The following SMIM10L3 variants were observed in gnomAD, a reference collection of about 807,000 sequenced individuals.
The protein encoded by SMIM10L3 is salivary gland specific protein SAGSIN1.
the SMIM10L3 span, chr7:6,338,766 C>T: frequency 6.6e-6 from 1 of 152,362 alleles, no homozygotes; most frequent in South Asian, 2.1e-4. Context: ...CTATTCCTGG[C>T]CTCCAGGGCA....
At chr7:6,348,292 C>G in the SMIM10L3 span, among the ~76,000 whole-genome samples, 1 of 151,872 alleles carries the variant, frequency 6.6e-6, no homozygotes, top group Non-Finnish European at 1.5e-5. Flanking sequence ...TAAAGGTCCT[C>G]TTCAACACCT....
chr7:6,329,706 T>A, the SMIM10L3 span: 1 of 166,138 alleles, frequency 6.0e-6, no homozygotes, highest in Admixed American at 6.6e-5. Flanking sequence ...TAACTCGATT[T>A]GCTTCTCTGT....
chr7:6,330,420 C>T, the SMIM10L3 span: 1 of 1,614,026 alleles, frequency 6.2e-7, no homozygotes, highest in South Asian at 1.1e-5. Flanking sequence ...GTTGCAGAGC[C>T]AGTAACCCCA....
At chr7:6,331,288 G>C in the SMIM10L3 span, 1 of 799,314 alleles carries the variant, frequency 1.3e-6, no homozygotes, top group Non-Finnish European at 2.0e-6. Flanking sequence ...TGGGTCTTAA[G>C]AGCATCTACA....
the SMIM10L3 span, chr7:6,338,544 A>T: frequency 1.3e-5 from 2 of 152,234 alleles, no homozygotes; most frequent in African/African-American, 4.8e-5. Flanking sequence ...CTCCCACCAA[A>T]GATGACAAAA....
chr7:6,348,378 C>G, the SMIM10L3 span, among the ~76,000 whole-genome samples: 1 of 152,212 alleles, frequency 6.6e-6, no homozygotes, highest in African/African-American at 2.4e-5. Context: ...TAACCTGACC[C>G]CCAGTGCCGC....
the SMIM10L3 span, chr7:6,330,096 G>C: frequency 2.6e-6 from 1 of 387,004 alleles, no homozygotes; most frequent in Non-Finnish European, 4.8e-6. Context: ...TGGTAAATCC[G>C]TATGTTCTAA....
the SMIM10L3 span, chr7:6,330,753 C>T: frequency 1.2e-6 from 2 of 1,614,134 alleles, no homozygotes; most frequent in African/African-American, 2.7e-5. Context: ...TGGCCCTGGG[C>T]CCTCCTCCCA....
At chr7:6,342,617 G>A in the SMIM10L3 span, among the ~76,000 whole-genome samples, 5 of 152,062 alleles carry the variant, frequency 3.3e-5, no homozygotes, top group African/African-American at 9.7e-5. Context: ...ATACACCCAA[G>A]AGAAATAAAA....
chr7:6,332,504 G>T, the SMIM10L3 span, among the ~76,000 whole-genome samples: 2 of 152,090 alleles, frequency 1.3e-5, no homozygotes, highest in Admixed American at 6.6e-5. Flanking sequence ...TTTGACACAT[G>T]ATGTGTTCAC....
chr7:6,333,699 T>C, the SMIM10L3 span, among the ~76,000 whole-genome samples: 2 of 151,266 alleles, frequency 1.3e-5, no homozygotes, highest in Non-Finnish European at 2.9e-5. Context: ...CAGAAGTTTA[T>C]TACAAAGCTC....
chr7:6,330,352 A>T, the SMIM10L3 span: 1 of 1,580,184 alleles, frequency 6.3e-7, no homozygotes, highest in South Asian at 1.2e-5. Flanking sequence ...AAATTAATCT[A>T]TTGGTATTGT....
the SMIM10L3 span, among the ~76,000 whole-genome samples, chr7:6,335,892 G>C: frequency 6.6e-6 from 1 of 151,942 alleles, no homozygotes; most frequent in South Asian, 2.1e-4. Flanking sequence ...TAAAAGAGTG[G>C]CCGGGAGCAG....
the SMIM10L3 span, among the ~76,000 whole-genome samples, chr7:6,333,634 G>A: frequency 6.6e-6 from 1 of 151,602 alleles, no homozygotes; most frequent in African/African-American, 2.4e-5. Flanking sequence ...GTGTCACTGG[G>A]ATTACAGGCA....
At chr7:6,340,175 G>A in the SMIM10L3 span, among the ~76,000 whole-genome samples, 3 of 152,116 alleles carry the variant, frequency 2.0e-5, no homozygotes, top group South Asian at 4.1e-4. Flanking sequence ...ATGAGCTACC[G>A]CGCCCGGCCC....
the SMIM10L3 span, chr7:6,330,098 A>G: frequency 2.5e-6 from 1 of 393,822 alleles, no homozygotes; most frequent in Non-Finnish European, 4.7e-6. Flanking sequence ...GTAAATCCGT[A>G]TGTTCTAATC....
the SMIM10L3 span, among the ~76,000 whole-genome samples, chr7:6,346,270 T>G: frequency 6.6e-6 from 1 of 152,116 alleles, no homozygotes; most frequent in African/African-American, 2.4e-5. Context: ...GGTGGAGGTT[T>G]TGACCCCTCT....
chr7:6,333,714 G>T, the SMIM10L3 span, among the ~76,000 whole-genome samples: 2 of 151,070 alleles, frequency 1.3e-5, no homozygotes, highest in Admixed American at 1.3e-4. Context: ...AAGCTCTAGA[G>T]TGAGAAAGGA....
the SMIM10L3 span, among the ~76,000 whole-genome samples, chr7:6,333,992 A>T: frequency 1.3e-5 from 2 of 150,438 alleles, no homozygotes; most frequent in African/African-American, 4.9e-5. Flanking sequence ...GACTACAGGC[A>T]CCCGCCACCA....
Sources: gnomAD v4.1 joint callset for allele counts (sites outside exome capture counted in the v4.1 genomes callset) on GRCh38, gnomAD v4.1.1 for gene constraint, MANE v1.5 for transcripts, NCBI Gene and HGNC (gene_info 2026-07-23, HGNC 2026-07-21) for gene names.